CCDC154: variants seen among roughly 807,000 people sequenced by gnomAD.
CCDC154 encodes coiled-coil domain containing 154.
Under a neutral mutation model 87.5 loss-of-function variants are expected in CCDC154, and 91 were observed. That is an observed-to-expected ratio of 1.04 (90% CI 0.88 to 1.24). The LOEUF is 1.24. Ranked by LOEUF, CCDC154 falls within the 50% of genes most tolerant of loss-of-function variation. The pLI, the probability that CCDC154 is intolerant of heterozygous loss-of-function variation, is 0.00. For synonymous variants in CCDC154, 418 were observed against 400.4 expected, an observed-to-expected ratio of 1.04 and a Z score of -0.52; for missense variants, 903 against 879.2, an observed-to-expected ratio of 1.03 and a Z score of -0.34.
chr16:1,437,212 G>A (rs1019898070), intron 11 of CCDC154: 6 of 228,802 alleles, frequency 2.6e-5, no homozygotes, highest in South Asian at 7.1e-5. Flanking sequence ...GAAGCTCTGC[G>A]CACGAGGCCC....
chr16:1,438,573 C>T (rs1166738623), intron 9 of CCDC154, 46 bp downstream of exon 9: 14 of 1,510,990 alleles, frequency 9.3e-6, no homozygotes, highest in Non-Finnish European at 1.3e-5. Flanking sequence ...AGTGGGACAT[C>T]AGGGGTCCCC....
chr16:1,434,583 A>G (rs569978528), intron 16 of CCDC154, 49 bp from the exon 17 acceptor site: 68 of 839,360 alleles, frequency 8.1e-5, no homozygotes, highest in Non-Finnish European at 9.8e-5. Context: ...CCCACCCCCC[A>G]TGGCCCACCT....
chr16:1,435,030 G>T, intron 15 of CCDC154, 59 bp downstream of exon 15: 1 of 1,501,358 alleles, frequency 6.7e-7, no homozygotes, highest in Non-Finnish European at 9.0e-7. Context: ...GCGGGGAGGC[G>T]GCAGGGCTGA....
Position 1,438,959 on chromosome 16 carries a change from A to G in CCDC154, c.778-16T>C, listed in dbSNP as rs1288447228. 1.3e-6 allele frequency: 2 copies of G among 1,548,526 alleles called. No homozygotes were observed. The highest frequency in any genetic ancestry group is 2.7e-5 in the African/African-American group (2 of 73,050). ...CCTTCATTCTCTGTGGGGAGACCCC[A>G]CTGTCAGCTGCAGGTCTGCGTCTGG... On this transcript the variant is annotated splice_polypyrimidine_tract_variant and intron_variant, in intron 7 of 16. Transcript: ENST00000389176.
chr16:1,437,651 T>G, intron 11 of CCDC154, 166 bp downstream of exon 11: 1 of 793,484 alleles, frequency 1.3e-6, no homozygotes, highest in Non-Finnish European at 1.9e-6. Flanking sequence ...CACACAGGAG[T>G]CTCTGGGGCT....
At position 1,434,548 on chromosome 16, in the gene CCDC154, C is replaced by T. The variant is rs779628085; in HGVS notation, c.1878-14G>A. ...CAGCGCAGCCACCTGTCCAGAGATG[C>T]GGCACATGGCCCCTGCACCCCCGCC... On this transcript the variant is annotated splice_polypyrimidine_tract_variant and intron_variant, in intron 16 of 16. Coordinates refer to ENST00000389176, the MANE Select transcript of CCDC154 (RefSeq NM_001143980.3). 104 of 1,538,618 alleles carry T rather than the reference C, an allele frequency of 6.8e-5. No homozygotes were observed. The highest frequency in any genetic ancestry group is 1.7e-4 in the East Asian group (7 of 40,760).
chr16:1,434,607 C>T (rs2038482687), intron 16 of CCDC154, 61 bp downstream of exon 16: 1 of 1,530,106 alleles, frequency 6.5e-7, no homozygotes. Context: ...GCCTGTGGGC[C>T]CCCAGCCCTG....
At chr16:1,440,491 C>G (rs12927382) in intron 6 of CCDC154, among the ~76,000 whole-genome samples, 14,173 of 142,302 alleles carry the variant, frequency 0.1, 854 homozygotes, top group African/African-American at 0.16. Context: ...GAGAAGAGAA[C>G]AGAAAAGAGA....
chr16:1,438,298 G>A (rs2038520212), intron 9 of CCDC154, 122 bp from the exon 10 acceptor site: 2 of 1,269,696 alleles, frequency 1.6e-6, no homozygotes, highest in Non-Finnish European at 2.1e-6. Context: ...ATCGGAAGAT[G>A]GGGTGCGGTC....
intron 6 of CCDC154, among the ~76,000 whole-genome samples, chr16:1,441,058 G>A (rs1336934393): frequency 1.3e-5 from 2 of 152,138 alleles, no homozygotes; most frequent in Non-Finnish European, 2.9e-5. Context: ...GGTTGAGGCT[G>A]CAGTGAGCTG....
At chr16:1,443,117 G>A (rs576134090) in intron 4 of CCDC154, 142 bp from the exon 5 acceptor site, 16 of 1,367,154 alleles carry the variant, frequency 1.2e-5, no homozygotes, top group East Asian at 1.0e-4. Flanking sequence ...GTACAAACCC[G>A]GCCTTTTCTA....
At position 1,444,475 on chromosome 16, in the gene CCDC154, C is replaced by T. The variant is rs765135346; in HGVS notation, c.-153G>A. ...GCCTTGAGGGACGAGCTGCTGCCCT[C>T]GTCTGGCTGCCTTCTCAGGGTCCCC... On this transcript the variant is annotated 5_prime_UTR_variant, in exon 1 of 17. Transcript: ENST00000389176. 3.2e-5 allele frequency: 24 copies of T among 746,618 alleles called. No homozygotes were observed. The highest frequency in any genetic ancestry group is 1.3e-4 in the African/African-American group (7 of 53,744). The allele number at this position is 746,618 out of a possible 1,614,324, so 46.2% of individuals were successfully genotyped here.
intron 10 of CCDC154, 36 bp downstream of exon 10, chr16:1,438,014 A>C (rs4984840): frequency 2.3e-5 from 35 of 1,538,326 alleles, no homozygotes; most frequent in Non-Finnish European, 2.9e-5. Context: ...TGTGCGTGGG[A>C]GACCCCGTTG....
chr16:1,439,143 T>C lies in CCDC154; in HGVS notation c.676-17A>G, dbSNP rs1284437354. On this transcript the variant is annotated splice_polypyrimidine_tract_variant and intron_variant, in intron 6 of 16. Transcript: ENST00000389176. ...CACCTGGGCCTGGGGCGGAGGCACA[T>C]TGTCCCGTGTGCAGCCTCTGCTGGA... is the stretch of plus-strand genomic sequence containing the variant. 13 of 1,547,160 alleles carry C rather than the reference T, an allele frequency of 8.4e-6. No homozygotes were observed. The highest frequency in any genetic ancestry group is 2.4e-5 in the East Asian group (1 of 40,882).
chr16:1,443,787 A>G lies in CCDC154; in HGVS notation c.224+9T>C, dbSNP rs963321959. On this transcript the variant is annotated intron_variant, in intron 2 of 16. Transcript: ENST00000389176. ...GTCCTCCCCCGCCAGCACCCCCTGC[A>G]GGGCTCACCACTGCTCCAGCTGGTT... is the stretch of plus-strand genomic sequence containing the variant. 7.7e-6 allele frequency: 10 copies of G among 1,305,124 alleles called. No homozygotes were observed. The highest frequency in any genetic ancestry group is 9.1e-6 in the Non-Finnish European group (9 of 989,988). The allele number at this position is 1,305,124 out of a possible 1,614,324, so 80.8% of individuals were successfully genotyped here.
chr16:1,443,182 C>T (rs943536018), intron 4 of CCDC154, 79 bp downstream of exon 4: 79 of 1,483,354 alleles, frequency 5.3e-5, no homozygotes, highest in Non-Finnish European at 6.8e-5. Context: ...GAGATGTGGA[C>T]CCCCCACCAC....
In CCDC154 at chr16:1,436,034, C is replaced by A. The variant is rs556065475; in HGVS notation, c.1540G>T (p.Val514Leu). 58 of 1,550,204 alleles carry A rather than the reference C, an allele frequency of 3.7e-5. No homozygotes were observed. The highest frequency in any genetic ancestry group is 4.6e-5 in the Non-Finnish European group (53 of 1,146,890). Residue 514 changes from valine to leucine, a missense_variant, in exon 14 of 17, where the codon GTG becomes TTG. Transcript: ENST00000389176. ...GGGTTGTCTTCCTTTAGCAGCTGCACGGATGATAGTAGCGTGGCCAGCTCC... is the reference window on the plus strand; with the variant it reads ...GGGTTGTCTTCCTTTAGCAGCTGCAAGGATGATAGTAGCGTGGCCAGCTCC... ...RQELATLLSSVQLLKEDNPGR... is the reference protein window; with the variant it reads ...RQELATLLSSLQLLKEDNPGR...
chr16:1,442,722 C>A (rs374378397), intron 5 of CCDC154, among the ~76,000 whole-genome samples, 158 bp downstream of exon 5: 3 of 152,366 alleles, frequency 2.0e-5, no homozygotes, highest in East Asian at 1.9e-4. Flanking sequence ...AGAGGGTCCG[C>A]AGCGGGCCCA....
intron 9 of CCDC154, 32 bp from the exon 10 acceptor site, chr16:1,438,208 T>C (rs1469796073): frequency 6.7e-7 from 1 of 1,492,192 alleles, no homozygotes; most frequent in Non-Finnish European, 9.0e-7. Flanking sequence ...ACACCCTCAG[T>C]GGAGCCTGCC....
Sources: gnomAD v4.1 joint callset for allele counts (sites outside exome capture counted in the v4.1 genomes callset) on GRCh38, gnomAD v4.1.1 for gene constraint, MANE v1.5 for transcripts, NCBI Gene and HGNC (gene_info 2026-07-23, HGNC 2026-07-21) for gene names.